Variants in SLFN12L observed in about 807,000 individuals in gnomAD.
The protein encoded by SLFN12L is schlafen family member 12-like.
Under a neutral mutation model 34.8 loss-of-function variants are expected in SLFN12L, and 34 were observed. The ratio of observed to expected loss-of-function variants is 0.98; its 90% CI spans 0.74 to 1.30. The LOEUF is 1.30. Among genes scored for constraint, SLFN12L ranks in the 50% most tolerant of loss-of-function variants. The pLI is 0.00. For missense variants in SLFN12L, 703 were observed against 696.2 expected, an observed-to-expected ratio of 1.01 and a Z score of -0.11; for synonymous variants, 259 against 247.5, an observed-to-expected ratio of 1.05 and a Z score of -0.44.
Position 35,504,582 on chromosome 17 carries a change from C to T in SLFN12L, c.86+17697G>A, listed in dbSNP as rs747719254. 4.6e-5 allele frequency among the ~76,000 whole-genome samples: 7 copies of T among 152,286 alleles called. No individual in the cohort carries two copies. The East Asian group carries it at 1.4e-3, about 29-fold the overall frequency. On this transcript the variant is annotated intron_variant, in intron 2 of 4. Transcript: ENST00000628453. ...CTTTCCACTGGGGTGGTCCTCCAGT[C>T]GACCAGGCATGGGCTGCATGGTAGC...
chr17:35,496,447 C>G (rs1915078590), intron 2 of SLFN12L, among the ~76,000 whole-genome samples: 1 of 152,200 alleles, frequency 6.6e-6, no homozygotes, highest in African/African-American at 2.4e-5. Context: ...GAGAATGAAG[C>G]CCCGCGTTTC....
At chr17:35,489,934 C>CA (rs530567429) in intron 2 of SLFN12L, 2 of 1,257,202 alleles carry the variant, frequency 1.6e-6, no homozygotes, top group Non-Finnish European at 2.3e-6. Context: ...CCAAGTGGGA[C>CA]AAAAATCCCA....
chr17:35,503,633 C>T (rs1915373066), intron 2 of SLFN12L, among the ~76,000 whole-genome samples: 1 of 152,098 alleles, frequency 6.6e-6, no homozygotes, highest in Non-Finnish European at 1.5e-5. Flanking sequence ...ACTATAAAGT[C>T]CACTGCCGAT....
rs1316599596 is a variant in SLFN12L, at chr17:35,465,307, A to G, written c.*9616T>C. On this transcript the variant is annotated 3_prime_UTR_variant, in exon 5 of 5. Coordinates refer to ENST00000628453, the MANE Select transcript of SLFN12L (RefSeq NM_001363830.2). ...CCAACAAATTTAAACATTGTACCCC[A>G]TATAATTTTAAAAGGTAGCTAAATA... Among the ~76,000 whole-genome samples the G allele has an allele frequency of 2.0e-5, 3 of 152,180 alleles. No individual in the cohort carries two copies. Among genetic ancestry groups the G allele is most frequent in the African/African-American group, 7.2e-5 (3 of 41,440 alleles).
intron 1 of SLFN12L, 47 bp from the exon 2 acceptor site, chr17:35,523,016 C>G: frequency 2.4e-6 from 1 of 420,176 alleles, no homozygotes. Flanking sequence ...AAGAATCATA[C>G]TGATTATGAC....
Position 35,472,568 on chromosome 17 carries a change from A to G in SLFN12L, c.*2355T>C, listed in dbSNP as rs1021838602. On this transcript the variant is annotated 3_prime_UTR_variant, in exon 5 of 5. Transcript: ENST00000628453. Reference sequence around the variant, plus strand: ...GTGTAGTTTGAAGTCAGGTAGCATAATGCCTCCAGCTTTGTTCTTTTTGTT... The same window carrying G: ...GTGTAGTTTGAAGTCAGGTAGCATAGTGCCTCCAGCTTTGTTCTTTTTGTT... Among the ~76,000 whole-genome samples the G allele has an allele frequency of 1.3e-5, 2 of 152,184 alleles. No homozygotes were observed. Among genetic ancestry groups the G allele is most frequent in the African/African-American group, 4.8e-5 (2 of 41,446 alleles).
intron 2 of SLFN12L, among the ~76,000 whole-genome samples, chr17:35,502,429 A>AC (rs1360292325): frequency 1.4e-5 from 2 of 148,076 alleles, no homozygotes; most frequent in East Asian, 1.9e-4. Flanking sequence ...AAAAAAAAAA[A>AC]AAAAAAAAAA....
intron 2 of SLFN12L, among the ~76,000 whole-genome samples, chr17:35,506,297 G>T (rs964973988): frequency 4.6e-5 from 7 of 152,168 alleles, no homozygotes; most frequent in African/African-American, 1.7e-4. Flanking sequence ...CTGTATGGCA[G>T]AAAATAAGTA....
rs1246673875 is a variant in SLFN12L at position 35,468,389 on chromosome 17, T to C, written c.*6534A>G. On this transcript the variant is annotated 3_prime_UTR_variant, in exon 5 of 5. Coordinates refer to ENST00000628453, the MANE Select transcript of SLFN12L (RefSeq NM_001363830.2). ...ATATCCTAGATGACATTTTCCTGGA[T>C]AGGCACTCACTGCTGGAGATTATGC... Among the ~76,000 whole-genome samples the C allele has an allele frequency of 6.6e-6, 1 of 152,192 alleles. No homozygotes were observed. Among genetic ancestry groups the C allele is most frequent in the Non-Finnish European group, 1.5e-5 (1 of 68,018 alleles).
chr17:35,520,745 CA>C (rs944409106), intron 2 of SLFN12L, among the ~76,000 whole-genome samples: 84 of 140,682 alleles, frequency 6.0e-4, no homozygotes, highest in East Asian at 1.2e-3. Context: ...AACTCGGTCT[CA>C]AAAAAAAAAA....
At chr17:35,489,239 A>T (rs1268703651) in intron 2 of SLFN12L, among the ~76,000 whole-genome samples, 1 of 151,898 alleles carries the variant, frequency 6.6e-6, no homozygotes, top group Non-Finnish European at 1.5e-5. Flanking sequence ...GGCATCCAAG[A>T]AGTAAGCAAA....
intron 2 of SLFN12L, among the ~76,000 whole-genome samples, chr17:35,511,226 A>G (rs1204298538): frequency 6.6e-6 from 1 of 152,188 alleles, no homozygotes; most frequent in African/African-American, 2.4e-5. Context: ...CGATAATAAA[A>G]CTGCATTTCT....
chr17:35,501,198 C>G (rs2142150433), intron 2 of SLFN12L, among the ~76,000 whole-genome samples: 1 of 152,330 alleles, frequency 6.6e-6, no homozygotes, highest in East Asian at 1.9e-4. Flanking sequence ...CAACATGGAT[C>G]CTGAGAGCAC....
At position 35,503,181 on chromosome 17, in the gene SLFN12L, A is replaced by G. The variant is rs573927563; in HGVS notation, c.86+19098T>C. Among the ~76,000 whole-genome samples the G allele has an allele frequency of 5.3e-5, 8 of 152,234 alleles. No individual in the cohort carries two copies. In the South Asian group the frequency reaches 1.7e-3, roughly 32 times the overall value. ...AGAATGTGGACTTTTTACCTACATT[A>G]AAGGGTTAAAAAAATGTTTTAAAGG... On this transcript the variant is annotated intron_variant, in intron 2 of 4. Coordinates refer to ENST00000628453, the MANE Select transcript of SLFN12L (RefSeq NM_001363830.2).
In SLFN12L at chr17:35,522,520, A is replaced by G; in HGVS notation, c.-156T>C. The stretch of plus-strand genomic sequence containing the variant: ...CACAGGTCACTCAAGAGAGACCTGA[A>G]GCCGAGCAAGACAATCACGAGGGAC... On this transcript the variant is annotated 5_prime_UTR_variant, in exon 2 of 5. Coordinates refer to ENST00000628453, the MANE Select transcript of SLFN12L (RefSeq NM_001363830.2). 1 of 1,612,770 alleles carries G rather than the reference A, an allele frequency of 6.2e-7. No individual in the cohort carries two copies. The highest frequency in any genetic ancestry group is 1.1e-5 in the South Asian group (1 of 90,996).
chr17:35,516,471 G>A (rs1375764047), intron 2 of SLFN12L, among the ~76,000 whole-genome samples: 2 of 152,228 alleles, frequency 1.3e-5, no homozygotes, highest in African/African-American at 4.8e-5. Context: ...GGATTTGTCA[G>A]CCTTGACACT....
rs1913699845 is a variant in SLFN12L, at chr17:35,465,026, A to G, written c.*9897T>C. Among the ~76,000 whole-genome samples the G allele has an allele frequency of 6.6e-6, 1 of 152,150 alleles. No homozygotes were observed. Among genetic ancestry groups the G allele is most frequent in the African/African-American group, 2.4e-5 (1 of 41,444 alleles). On this transcript the variant is annotated 3_prime_UTR_variant, in exon 5 of 5. Transcript: ENST00000628453. ...CAAGTAGCTGGGACTACGGGAGCACACCACCACATCCAGCTAATTTTTGTA... is the reference window on the plus strand; with the variant it reads ...CAAGTAGCTGGGACTACGGGAGCACGCCACCACATCCAGCTAATTTTTGTA...
chr17:35,486,164 G>A (rs8079184), intron 2 of SLFN12L, among the ~76,000 whole-genome samples: 103,982 of 152,028 alleles, frequency 0.68, 35,741 homozygotes, highest in Middle Eastern at 0.79. Context: ...TGTTTGTGTC[G>A]TCTATGATTT....
chr17:35,475,485 C>T lies in SLFN12L; in HGVS notation c.1277G>A (p.Gly426Glu). The T allele has an allele frequency of 6.3e-7, 1 of 1,580,446 alleles. No homozygotes were observed. Among genetic ancestry groups the T allele is most frequent in the South Asian group, 1.2e-5 (1 of 85,872 alleles). Residue 426 changes from glycine to glutamate, a missense_variant and splice_region_variant, in exon 5 of 5, where the codon GGG (glycine) becomes GAG (glutamate). Physicochemically the swap from Gly to Glu is moderately conservative, Grantham distance 98. Transcript: ENST00000628453. ...KIQPLRYHLPGLSEKITCAPK... is the reference protein window; with the variant it reads ...KIQPLRYHLPELSEKITCAPK... ...AGCACAAGTTATCTTTTCTGATAGC[C>T]CTAGATGGGGAAATAATGATAAATT...
Sources: allele counts gnomAD v4.1 joint callset (sites outside exome capture counted in the v4.1 genomes callset), GRCh38; gene constraint gnomAD v4.1.1; transcripts MANE v1.5; gene names NCBI Gene and HGNC (gene_info 2026-07-23, HGNC 2026-07-21).